HTR3B: variants seen among roughly 807,000 people sequenced by gnomAD.
The protein encoded by HTR3B is 5-hydroxytryptamine (serotonin) receptor 3B, ionotropic.
A neutral mutation model predicts 42.8 loss-of-function variants in HTR3B; 44 were observed. That is an observed-to-expected ratio of 1.03 (90% confidence interval 0.81 to 1.32). HTR3B has a LOEUF of 1.32. HTR3B is among the 40% of genes most tolerant of loss of function. The probability of loss-of-function intolerance (pLI) is 0.00; values close to 1 mark genes in which losing one functional copy is unlikely to be tolerated. For missense variants in HTR3B, 527 were observed against 536.5 expected (o/e 0.98, Z 0.17); for synonymous variants, 203 against 209.0 (o/e 0.97, Z 0.25).
At chr11:113,907,434 T>C (rs1467750494) in intron 1 of HTR3B, among the ~76,000 whole-genome samples, 3 of 152,220 alleles carry the variant, frequency 2.0e-5, no homozygotes, top group Non-Finnish European at 4.4e-5. Flanking sequence ...CAAATTTGCA[T>C]TCATAGTAGA....
At chr11:113,924,624 C>CAAAA (rs34212177) in intron 2 of HTR3B, among the ~76,000 whole-genome samples, 89 of 52,034 alleles carry the variant, frequency 1.7e-3, no homozygotes, top group South Asian at 6.0e-3. Flanking sequence ...GACCTTGTCT[C>CAAAA]AAAAAAAAAA....
chr11:113,942,991 C>T lies in HTR3B; in HGVS notation c.706C>T (p.Arg236Cys), dbSNP rs150117061. 46 of 1,613,750 alleles carry T rather than the reference C, an allele frequency of 2.9e-5. No individual in the cohort carries two copies. Among genetic ancestry groups the T allele is most frequent in the Non-Finnish European group, 3.3e-5 (39 of 1,179,824 alleles). The change falls in exon 7 of 9, where the codon CGC becomes TGC. Residue 236 changes from arginine (R) to cysteine (C), a missense_variant. Physicochemically the swap from Arg to Cys is radical, Grantham distance 180. Coordinates refer to ENST00000260191, the MANE Select transcript of HTR3B (RefSeq NM_006028.5). ...FAQIQFNVVM[R>C]RHPLVYVVSL... ...ACTTGTTCCCGGCCAGGTGGTGATG[C>T]GCAGGCACCCCCTGGTCTATGTCGT...
intron 6 of HTR3B, among the ~76,000 whole-genome samples, chr11:113,937,479 G>A (rs2137531114): frequency 6.6e-6 from 1 of 152,312 alleles, no homozygotes; most frequent in South Asian, 2.1e-4. Context: ...TGCCCAGGGA[G>A]ACATAATAGC....
chr11:113,901,485 G>C (rs949581799), upstream of HTR3B, among the ~76,000 whole-genome samples: 3 of 150,644 alleles, frequency 2.0e-5, no homozygotes, highest in African/African-American at 7.3e-5. Flanking sequence ...AGTAAACAAA[G>C]TCCAGACAGG....
At chr11:113,940,524 C>T (rs1378106632) in intron 6 of HTR3B, among the ~76,000 whole-genome samples, 3 of 152,214 alleles carry the variant, frequency 2.0e-5, no homozygotes, top group East Asian at 3.9e-4. Flanking sequence ...TTTGTTGTTG[C>T]TTTCCTTGTT....
intron 6 of HTR3B, among the ~76,000 whole-genome samples, chr11:113,934,647 G>A (rs1035607348): frequency 1.1e-4 from 16 of 151,996 alleles, no homozygotes; most frequent in Admixed American, 8.5e-4. Flanking sequence ...ATACCCTCCT[G>A]ATGGTGGGCT....
chr11:113,905,625 G>A (rs1379768136), intron 1 of HTR3B, among the ~76,000 whole-genome samples: 1 of 152,082 alleles, frequency 6.6e-6, no homozygotes, highest in Non-Finnish European at 1.5e-5. Flanking sequence ...CATGGCACCA[G>A]TATTAACTCT....
At chr11:113,918,066 G>A (rs954938592) in intron 2 of HTR3B, among the ~76,000 whole-genome samples, 3 of 151,906 alleles carry the variant, frequency 2.0e-5, no homozygotes, top group Non-Finnish European at 4.4e-5. Context: ...GATGTCCTTT[G>A]TATTTGAAGT....
In HTR3B at chr11:113,926,446, GCTTTTCCTTTCCTTTCCTTT is replaced by G. The variant is rs1365374938; in HGVS notation, c.214-4916_214-4897del. Among the ~76,000 whole-genome samples, 340 of 131,428 alleles carry G rather than the reference GCTTTTCCTTTCCTTTCCTTT, an allele frequency of 2.6e-3. 2 individuals are homozygous for G. The highest frequency in any genetic ancestry group is 6.3e-3 in the African/African-American group (222 of 35,306). 86.2% of individuals were successfully genotyped at this position (131,428 alleles called of 152,430 possible). A position where few individuals can be genotyped will look rare whatever the true frequency, so the allele number is the denominator to read the frequency against. The stretch of plus-strand genomic sequence containing the variant: ...TAATCTTTTAAGTAAATATCAGACT[GCTTTTCCTTTCCTTTCCTTT>G]CTTTTCCTTTCCTTTCCTTTCCTTT... On this transcript the variant is annotated intron_variant, in intron 2 of 8. Coordinates refer to ENST00000260191, the MANE Select transcript of HTR3B (RefSeq NM_006028.5).
intron 2 of HTR3B, among the ~76,000 whole-genome samples, chr11:113,911,698 T>C (rs1315389642): frequency 6.6e-6 from 1 of 152,004 alleles, no homozygotes; most frequent in East Asian, 1.9e-4. Context: ...GGCTTATTTT[T>C]ATATTTTTTA....
upstream of HTR3B, among the ~76,000 whole-genome samples, chr11:113,901,431 ACT>A (rs1166219477): frequency 6.6e-6 from 1 of 150,940 alleles, no homozygotes; most frequent in Non-Finnish European, 1.5e-5. Context: ...ACAGAGTGAA[ACT>A]CTGCCTCTTA....
At chr11:113,924,383 A>G (rs1038274480) in intron 2 of HTR3B, among the ~76,000 whole-genome samples, 22 of 152,228 alleles carry the variant, frequency 1.4e-4, no homozygotes, top group African/African-American at 5.1e-4. Context: ...TGGGAGGCCA[A>G]GGTGGGAGGA....
At position 113,943,075 on chromosome 11, in the gene HTR3B, C is replaced by A; in HGVS notation, c.790C>A (p.Pro264Thr). 6.2e-7 allele frequency: 1 copy of A among 1,614,088 alleles called. No homozygotes were observed. Among genetic ancestry groups the A allele is most frequent in the Non-Finnish European group, 8.5e-7 (1 of 1,179,990 alleles). ...MLVDLGSFYL[P>T]PNCRARIVFK... ...GGTGGACCTGGGGAGCTTCTACCTGCCACCCAACTGCCGAGCCAGGATTGT... is the reference window on the plus strand; with the variant it reads ...GGTGGACCTGGGGAGCTTCTACCTGACACCCAACTGCCGAGCCAGGATTGT... Residue 264 changes from proline to threonine, a missense_variant, in exon 7 of 9, where the codon CCA (proline) becomes ACA (threonine). Physicochemically the swap from Pro to Thr is conservative, Grantham distance 38. Transcript: ENST00000260191.
chr11:113,922,265 G>A (rs1009718040), intron 2 of HTR3B, among the ~76,000 whole-genome samples: 42 of 149,992 alleles, frequency 2.8e-4, no homozygotes, highest in African/African-American at 9.8e-4. Context: ...TTTGAGATAG[G>A]GTCTCACTCT....
At chr11:113,923,021 G>T (rs1397799996) in intron 2 of HTR3B, among the ~76,000 whole-genome samples, 1 of 152,132 alleles carries the variant, frequency 6.6e-6, no homozygotes, top group East Asian at 1.9e-4. Flanking sequence ...CTTGTCCAAT[G>T]AATGAATGAA....
intron 2 of HTR3B, among the ~76,000 whole-genome samples, chr11:113,925,693 C>T (rs886109014): frequency 1.3e-5 from 2 of 151,616 alleles, no homozygotes; most frequent in African/African-American, 4.8e-5. Flanking sequence ...TCCTTTTATT[C>T]TCTTTTAAGG....
chr11:113,915,474 G>T (rs1246251875), intron 2 of HTR3B, among the ~76,000 whole-genome samples: 1 of 152,044 alleles, frequency 6.6e-6, no homozygotes, highest in Non-Finnish European at 1.5e-5. Context: ...TACCTTTTGT[G>T]CATGGCTTCT....
chr11:113,943,133 T>C lies in HTR3B; in HGVS notation c.848T>C (p.Val283Ala), dbSNP rs1477290236. 3 of 1,614,074 alleles carry C rather than the reference T, an allele frequency of 1.9e-6. No individual in the cohort carries two copies. The highest frequency in any genetic ancestry group is 1.7e-6 in the Non-Finnish European group (2 of 1,180,008). Residue 283 changes from valine to alanine, a missense_variant, in exon 7 of 9, where the codon GTC becomes GCC. Val to Ala is a moderately conservative substitution (Grantham distance 64, BLOSUM62 0). Transcript: ENST00000260191. ...FKTSVLVGYT[V>A]FRVNMSNQVP... ...ACCAGTGTGCTGGTGGGCTACACCG[T>C]CTTCAGGGTCAACATGTCCAACCAG... is the stretch of plus-strand genomic sequence containing the variant.
In HTR3B at chr11:113,944,767, G is replaced by C; in HGVS notation, c.1090+12G>C. 1 of 1,610,720 alleles carries C rather than the reference G, an allele frequency of 6.2e-7. No individual in the cohort carries two copies. On this transcript the variant is annotated intron_variant, in intron 8 of 8. Coordinates refer to ENST00000260191, the MANE Select transcript of HTR3B (RefSeq NM_006028.5). ...TGCTGTGGTAACAGGTGTGTGAGAA[G>C]CCTTGTGTTTCTCCCCCGTCTGGAT...
Sources: gnomAD v4.1 joint callset for allele counts (sites outside exome capture counted in the v4.1 genomes callset) on GRCh38, gnomAD v4.1.1 for gene constraint, MANE v1.5 for transcripts, NCBI Gene and HGNC (gene_info 2026-07-23, HGNC 2026-07-21) for gene names.